PARL: variants seen among roughly 807,000 people sequenced by gnomAD.
The protein encoded by PARL is presenilin associated rhomboid like, also known as presenilin-associated rhomboid-like protein, mitochondrial.
PARL carries 44 observed loss-of-function variants against 51.6 expected under a neutral mutation model. The ratio of observed to expected loss-of-function variants is 0.85; its 90% CI spans 0.67 to 1.10. The LOEUF (loss-of-function observed/expected upper bound fraction) is 1.10, where lower values mean the gene tolerates loss of function less well. PARL is among the 50% of genes least tolerant of loss of function. The pLI is 0.00. For missense variants in PARL, 441 were observed against 469.5 expected, an observed-to-expected ratio of 0.94 and a Z score of 0.56; for synonymous variants, 172 against 164.0, an observed-to-expected ratio of 1.05 and a Z score of -0.37.
chr3:183,832,305 G>A (rs947282970), intron 9 of PARL, among the ~76,000 whole-genome samples: 3 of 150,626 alleles, frequency 2.0e-5, no homozygotes, highest in African/African-American at 7.4e-5. Context: ...TGCAAGCTCT[G>A]CCTTCTGGGT....
chr3:183,837,224 A>G (rs1728718476), intron 7 of PARL, among the ~76,000 whole-genome samples: 1 of 152,218 alleles, frequency 6.6e-6, no homozygotes, highest in Non-Finnish European at 1.5e-5. Context: ...AGAGAGAGGA[A>G]AGCGGACCAG....
At chr3:183,859,032 C>T (rs1192270691) in intron 4 of PARL, among the ~76,000 whole-genome samples, 1 of 152,092 alleles carries the variant, frequency 6.6e-6, no homozygotes, top group Non-Finnish European at 1.5e-5. Context: ...ACTCGCCGGG[C>T]GCGGTGGCTC....
rs1278724382 is a variant in PARL at position 183,834,924 on chromosome 3, TGGC to T, written c.829-1102_829-1100del. The stretch of plus-strand genomic sequence containing the variant: ...AAAAAAAAAAATTAGCTGGGCGTGG[TGGC>T]GGATGCTTATAATCCCACCTACTTA... On this transcript the variant is annotated intron_variant, in intron 7 of 9. Coordinates refer to ENST00000317096, the MANE Select transcript of PARL (RefSeq NM_018622.7). 2.0e-5 allele frequency among the ~76,000 whole-genome samples: 3 copies of T among 147,176 alleles called. No individual in the cohort carries two copies. The South Asian group carries it at 6.4e-4, about 32-fold the overall frequency.
chr3:183,846,455 T>C, intron 4 of PARL: 1 of 885,988 alleles, frequency 1.1e-6, no homozygotes, highest in Non-Finnish European at 1.4e-6. Context: ...ATCACGCCAT[T>C]GCACTCCAGC....
At chr3:183,846,256 G>C (rs1170049049) in intron 4 of PARL, among the ~76,000 whole-genome samples, 1 of 152,156 alleles carries the variant, frequency 6.6e-6, no homozygotes, top group Non-Finnish European at 1.5e-5. Flanking sequence ...TACTTTGGGA[G>C]GCTGAGGCGG....
chr3:183,868,163 T>C, intron 1 of PARL, 103 bp from the exon 2 acceptor site: 4 of 846,364 alleles, frequency 4.7e-6, no homozygotes, highest in Non-Finnish European at 7.9e-6. Flanking sequence ...CAATTTATTC[T>C]CACTCTACAG....
intron 1 of PARL, among the ~76,000 whole-genome samples, chr3:183,883,354 C>CGAG: frequency 6.6e-6 from 1 of 152,288 alleles, no homozygotes; most frequent in Non-Finnish European, 1.5e-5. Flanking sequence ...CTGCAACCTC[C>CGAG]GCCTCCCAGG....
intron 7 of PARL, among the ~76,000 whole-genome samples, chr3:183,835,294 G>A (rs1728445061): frequency 6.6e-6 from 1 of 152,044 alleles, no homozygotes; most frequent in African/African-American, 2.4e-5. Flanking sequence ...CTTAATCAAT[G>A]TTTTCTTAAT....
intron 9 of PARL, among the ~76,000 whole-genome samples, chr3:183,830,933 A>C (rs1161712592): frequency 6.6e-6 from 1 of 152,196 alleles, no homozygotes; most frequent in East Asian, 1.9e-4. Context: ...ATTCTCCCCA[A>C]AAAAATCACT....
chr3:183,865,006 G>A (rs576838327), intron 3 of PARL, among the ~76,000 whole-genome samples: 3 of 149,052 alleles, frequency 2.0e-5, no homozygotes, highest in South Asian at 2.1e-4. Context: ...ACTGAGAAAC[G>A]TTTAAAACTC....
intron 4 of PARL, among the ~76,000 whole-genome samples, chr3:183,852,148 C>T (rs2108636660): frequency 6.6e-6 from 1 of 152,260 alleles, no homozygotes; most frequent in South Asian, 2.1e-4. Flanking sequence ...CAGAGCGAGA[C>T]TCTGTCTCAA....
chr3:183,832,180 G>A (rs59359888), intron 9 of PARL, among the ~76,000 whole-genome samples: 8,012 of 151,220 alleles, frequency 0.053, 711 homozygotes, highest in African/African-American at 0.18. Context: ...ATTTAGTTCT[G>A]CCACCTACTG....
intron 4 of PARL, among the ~76,000 whole-genome samples, chr3:183,856,218 A>G (rs1162552185): frequency 1.3e-5 from 2 of 152,016 alleles, no homozygotes; most frequent in Non-Finnish European, 2.9e-5. Flanking sequence ...AGGTAGTAAA[A>G]CCCTTTTTCT....
intron 1 of PARL, chr3:183,883,608 T>C (rs542985918): frequency 3.0e-6 from 3 of 985,266 alleles, no homozygotes; most frequent in East Asian, 1.1e-4. Context: ...AACCATGCAA[T>C]CTCAAATGGG....
chr3:183,882,035 T>C (rs1164968968), intron 1 of PARL, among the ~76,000 whole-genome samples: 1 of 150,834 alleles, frequency 6.6e-6, no homozygotes, highest in Non-Finnish European at 1.5e-5. Flanking sequence ...ACCCCGTCTC[T>C]ACAAAAAACA....
chr3:183,878,481 A>G (rs1734092768), intron 1 of PARL, among the ~76,000 whole-genome samples: 1 of 152,084 alleles, frequency 6.6e-6, no homozygotes, highest in Non-Finnish European at 1.5e-5. Context: ...CCTAGTCTAG[A>G]GCAGTAATTC....
intron 4 of PARL, among the ~76,000 whole-genome samples, chr3:183,850,995 A>G (rs1299851308): frequency 1.3e-5 from 2 of 152,216 alleles, no homozygotes; most frequent in African/African-American, 4.8e-5. Context: ...AAATACACCC[A>G]TACGATTACG....
downstream of PARL, among the ~76,000 whole-genome samples, chr3:183,827,287 AC>A (rs59109720): frequency 0.02 from 3,093 of 152,236 alleles, 89 homozygotes; most frequent in African/African-American, 0.072. Context: ...CCCTGTCTCT[AC>A]AAAAAACTTT....
rs1233675574 is a variant in PARL, at chr3:183,868,075, T to C, written c.126-15A>G. On this transcript the variant is annotated splice_polypyrimidine_tract_variant and intron_variant, in intron 1 of 9. Transcript: ENST00000317096. The stretch of plus-strand genomic sequence containing the variant: ...AGAAGTTAAACCTATGGGGCAAAAA[T>C]AACAGATGAGAAACACAGTAGCGTC... 1 of 1,598,746 alleles carries C rather than the reference T, an allele frequency of 6.3e-7. No homozygotes were observed.
Sources: gnomAD v4.1 joint callset for allele counts (sites outside exome capture counted in the v4.1 genomes callset) on GRCh38, gnomAD v4.1.1 for gene constraint, MANE v1.5 for transcripts, NCBI Gene and HGNC (gene_info 2026-07-23, HGNC 2026-07-21) for gene names.